SPRED2: variants seen among roughly 807,000 people sequenced by gnomAD.
The protein encoded by SPRED2 is sprouty related EVH1 domain containing 2, also known as sprouty-related, EVH1 domain-containing protein 2.
A neutral mutation model predicts 43.0 loss-of-function variants in SPRED2; 47 were observed. The ratio of observed to expected loss-of-function variants is 1.09; its 90% CI spans 0.87 to 1.40. The LOEUF (loss-of-function observed/expected upper bound fraction) is 1.40, where lower values mean the gene tolerates loss of function less well. SPRED2 is among the 40% of genes most tolerant of loss of function. The pLI, the probability that SPRED2 is intolerant of heterozygous loss-of-function variation, is 0.00. For missense variants in SPRED2, 561 were observed against 586.4 expected, an observed-to-expected ratio of 0.96 and a Z score of 0.45; for synonymous variants, 225 against 225.7, an observed-to-expected ratio of 1.00 and a Z score of 0.03.
chr2:65,380,172 G>T (rs1300297574), intron 1 of SPRED2, among the ~76,000 whole-genome samples: 1 of 152,138 alleles, frequency 6.6e-6, no homozygotes, highest in African/African-American at 2.4e-5. Flanking sequence ...TCACGTTTTG[G>T]ACTCTACTCC....
At chr2:65,377,394 T>C (rs1383307947) in intron 1 of SPRED2, among the ~76,000 whole-genome samples, 1 of 152,198 alleles carries the variant, frequency 6.6e-6, no homozygotes, top group Non-Finnish European at 1.5e-5. Flanking sequence ...AGCACTGGAT[T>C]GGTATTTGTG....
intron 4 of SPRED2, among the ~76,000 whole-genome samples, chr2:65,330,771 G>A (rs1673788884): frequency 1.3e-5 from 2 of 152,046 alleles, no homozygotes; most frequent in Admixed American, 1.3e-4. Context: ...GAACCTCAGG[G>A]GACACATGCT....
chr2:65,403,131 A>G (rs895454778), intron 1 of SPRED2, among the ~76,000 whole-genome samples: 59 of 152,364 alleles, frequency 3.9e-4, no homozygotes, highest in African/African-American at 1.3e-3. Context: ...GAAACGTCCA[A>G]GCTCAGGACC....
chr2:65,311,917 A>G lies in SPRED2; in HGVS notation c.*1584T>C. On this transcript the variant is annotated 3_prime_UTR_variant, in exon 6 of 6. Coordinates refer to ENST00000356388, the MANE Select transcript of SPRED2 (RefSeq NM_181784.3). ...TGAAGACTGGTGTCCTGTGTGCAAT[A>G]AAGAAGGAGTGGGGAAAGGGAGTGG... The G allele has an allele frequency of 1.0e-6, 1 of 985,422 alleles. No individual in the cohort carries two copies. Among genetic ancestry groups the G allele is most frequent in the Non-Finnish European group, 1.2e-6 (1 of 829,942 alleles). The allele number at this position is 985,422 out of a possible 1,614,324, so 61.0% of individuals were successfully genotyped here.
chr2:65,398,207 C>G, intron 1 of SPRED2, among the ~76,000 whole-genome samples: 1 of 152,210 alleles, frequency 6.6e-6, no homozygotes, highest in Middle Eastern at 3.4e-3. Context: ...GAAACTGGAT[C>G]CTCATCTCTC....
intron 1 of SPRED2, among the ~76,000 whole-genome samples, chr2:65,345,259 G>GTTTTTTTTTTTTTTT (rs66991368): frequency 1.2e-4 from 13 of 111,374 alleles, no homozygotes; most frequent in Non-Finnish European, 2.0e-4. Flanking sequence ...TTTAGTTGTT[G>GTTTTTTTTTTTTTTT]TTTTTTTTTT....
chr2:65,345,465 T>C (rs1167790773), intron 1 of SPRED2, among the ~76,000 whole-genome samples: 1 of 152,118 alleles, frequency 6.6e-6, no homozygotes, highest in African/African-American at 2.4e-5. Flanking sequence ...TTTCACCATG[T>C]TGGCACGCTG....
At chr2:65,316,936 C>G in intron 4 of SPRED2, 53 bp from the exon 5 acceptor site, 1 of 1,583,200 alleles carries the variant, frequency 6.3e-7, no homozygotes. Flanking sequence ...ACAAAAACCC[C>G]ACGCAGCAAA....
chr2:65,401,933 G>GCGCA (rs1553426600), intron 1 of SPRED2, among the ~76,000 whole-genome samples: 8 of 83,822 alleles, frequency 9.5e-5, no homozygotes, highest in Middle Eastern at 5.8e-3. Flanking sequence ...ATTAGCGCGC[G>GCGCA]CGCGCACACA....
At chr2:65,412,195 G>C (rs1259419696) in intron 1 of SPRED2, among the ~76,000 whole-genome samples, 1 of 151,886 alleles carries the variant, frequency 6.6e-6, no homozygotes, top group Non-Finnish European at 1.5e-5. Context: ...TGACAATTTA[G>C]GAGGTGAATC....
intron 1 of SPRED2, among the ~76,000 whole-genome samples, chr2:65,375,710 C>T (rs1332614226): frequency 6.6e-6 from 1 of 152,176 alleles, no homozygotes; most frequent in Non-Finnish European, 1.5e-5. Flanking sequence ...CCCAAGTGTC[C>T]TTGAATTTCA....
At chr2:65,384,733 A>T (rs1675452395) in intron 1 of SPRED2, among the ~76,000 whole-genome samples, 1 of 152,110 alleles carries the variant, frequency 6.6e-6, no homozygotes, top group South Asian at 2.1e-4. Flanking sequence ...AGACAAGAAG[A>T]TCGGTTTCCA....
chr2:65,418,907 G>A (rs1045448476), intron 1 of SPRED2, among the ~76,000 whole-genome samples: 1 of 150,186 alleles, frequency 6.7e-6, no homozygotes, highest in East Asian at 1.9e-4. Flanking sequence ...ATGCTTATAA[G>A]TAAGAATAAA....
At chr2:65,324,041 T>C (rs1673523256) in intron 4 of SPRED2, among the ~76,000 whole-genome samples, 1 of 151,444 alleles carries the variant, frequency 6.6e-6, no homozygotes, top group East Asian at 1.9e-4. Context: ...CTCAGAGCAC[T>C]GGTCAGAGTC....
intron 1 of SPRED2, among the ~76,000 whole-genome samples, chr2:65,393,050 T>C (rs1675673863): frequency 6.6e-6 from 1 of 152,238 alleles, no homozygotes; most frequent in Non-Finnish European, 1.5e-5. Flanking sequence ...CAAAAGATCA[T>C]GGAACTAGCT....
At chr2:65,309,763 A>G (rs554696055), downstream of SPRED2, among the ~76,000 whole-genome samples, 7 of 152,324 alleles carry the variant, frequency 4.6e-5, no homozygotes, top group South Asian at 1.4e-3. Context: ...GGCCTAGCAC[A>G]TAGGACACCA....
At chr2:65,360,061 T>C (rs1264535091) in intron 1 of SPRED2, among the ~76,000 whole-genome samples, 1 of 90,292 alleles carries the variant, frequency 1.1e-5, no homozygotes, top group African/African-American at 4.3e-5. Flanking sequence ...CGAGACTCCA[T>C]CTCAAAAAAA....
At chr2:65,393,806 A>G (rs537352514) in intron 1 of SPRED2, among the ~76,000 whole-genome samples, 1 of 152,216 alleles carries the variant, frequency 6.6e-6, no homozygotes, top group Admixed American at 6.5e-5. Context: ...TGGAGAATTC[A>G]TTTATTCATT....
intron 1 of SPRED2, among the ~76,000 whole-genome samples, chr2:65,410,869 G>A (rs558360224): frequency 4.6e-5 from 7 of 152,268 alleles, no homozygotes; most frequent in African/African-American, 1.4e-4. Flanking sequence ...ATCGTGAGAC[G>A]GGAAGGAGCC....
Sources: gnomAD v4.1 joint callset for allele counts (sites outside exome capture counted in the v4.1 genomes callset) on GRCh38, gnomAD v4.1.1 for gene constraint, MANE v1.5 for transcripts, NCBI Gene and HGNC (gene_info 2026-07-23, HGNC 2026-07-21) for gene names.